SLIT3: variants seen among roughly 807,000 people sequenced by gnomAD.
SLIT3 encodes slit guidance ligand 3.
Under a neutral mutation model 184.0 loss-of-function variants are expected in SLIT3, and 68 were observed. The observed-to-expected ratio is 0.37, with a 90% CI of 0.30 to 0.45. The LOEUF (loss-of-function observed/expected upper bound fraction) is 0.45. Among genes scored for constraint, SLIT3 ranks in the 20% least tolerant of loss-of-function variants. The pLI, the probability that SLIT3 is intolerant of heterozygous loss-of-function variation, is 1.00. For missense variants in SLIT3, 1,707 were observed against 2,026.0 expected (o/e 0.84, Z 3.02); for synonymous variants, 831 against 828.6 (o/e 1.00, Z -0.05).
chr5:168,666,267 T>TAGTCACTTTCCATAATAAA lies in SLIT3; in HGVS notation c.*168_*186dup. On this transcript the variant is annotated 3_prime_UTR_variant, in exon 36 of 36. Coordinates refer to ENST00000519560, the MANE Select transcript of SLIT3 (RefSeq NM_003062.4). ...ATATTTATATAATAAAAGATGAAAA[T>TAGTCACTTTCCATAATAAA]AGTCACTTTCCATAATAAAAATAAG... 8.0e-6 allele frequency: 4 copies of TAGTCACTTTCCATAATAAA among 502,644 alleles called. No individual in the cohort carries two copies. Among genetic ancestry groups the TAGTCACTTTCCATAATAAA allele is most frequent in the Non-Finnish European group, 1.3e-5 (4 of 297,258 alleles). The allele number at this position is 502,644 out of a possible 1,614,324, so 31.1% of individuals were successfully genotyped here.
chr5:168,689,207 C>T (rs1006591317), intron 29 of SLIT3, among the ~76,000 whole-genome samples: 1 of 152,234 alleles, frequency 6.6e-6, no homozygotes, highest in African/African-American at 2.4e-5. Flanking sequence ...GCTGATGCTG[C>T]TGGTTCAAGA....
At chr5:169,270,833 A>G (rs1288978389) in intron 1 of SLIT3, among the ~76,000 whole-genome samples, 2 of 152,280 alleles carry the variant, frequency 1.3e-5, no homozygotes, top group East Asian at 3.9e-4. Context: ...ACTCTGGGGA[A>G]GTTATTTTAA....
chr5:169,040,991 T>C (rs530189608), intron 4 of SLIT3, among the ~76,000 whole-genome samples: 10 of 152,336 alleles, frequency 6.6e-5, no homozygotes, highest in Non-Finnish European at 1.0e-4. Context: ...GTCAATACAA[T>C]ATGAAGAGAG....
At position 168,763,716 on chromosome 5, in the gene SLIT3, C is replaced by T. The variant is rs149223295; in HGVS notation, c.1460-1027G>A. Among the ~76,000 whole-genome samples, 1,296 of 152,286 alleles carry T rather than the reference C, an allele frequency of 8.5e-3. 17 individuals carry two copies. Among genetic ancestry groups the T allele is most frequent in the African/African-American group, 0.029 (1,208 of 41,548 alleles). On this transcript the variant is annotated intron_variant, in intron 14 of 35. Coordinates refer to ENST00000519560, the MANE Select transcript of SLIT3 (RefSeq NM_003062.4). ...AGACCTTGAATCATGCTGGTTGGAA[C>T]TGAAGGAGCTCTGGTTCTCCCATCA...
intron 6 of SLIT3, among the ~76,000 whole-genome samples, chr5:168,826,484 G>T (rs1408612020): frequency 6.6e-6 from 1 of 152,224 alleles, no homozygotes; most frequent in Admixed American, 6.5e-5. Context: ...TTCAATGAAG[G>T]AATTGTTGTT....
rs1388095357 is a variant in SLIT3, at chr5:168,965,137, C to T, written c.414-81801G>A. ...GTTCATCTCAGAACAATTGAGCTCA[C>T]CTGGGTCACTCTCAAAGGGTAGAAA... On this transcript the variant is annotated intron_variant, in intron 4 of 35. Transcript: ENST00000519560. Among the ~76,000 whole-genome samples the T allele has an allele frequency of 2.0e-5, 3 of 152,164 alleles. No homozygotes were observed. In the East Asian group the frequency reaches 5.8e-4, roughly 29 times the overall value.
intron 4 of SLIT3, among the ~76,000 whole-genome samples, chr5:169,178,785 T>G (rs1763060689): frequency 6.6e-6 from 1 of 152,158 alleles, no homozygotes; most frequent in African/African-American, 2.4e-5. Context: ...ATATCCTCAC[T>G]CACAAGACAC....
At chr5:168,934,182 C>T (rs939891867) in intron 4 of SLIT3, among the ~76,000 whole-genome samples, 2 of 152,170 alleles carry the variant, frequency 1.3e-5, no homozygotes, top group South Asian at 2.1e-4. Context: ...GAACGCTCCT[C>T]GTAGATGGCA....
intron 4 of SLIT3, among the ~76,000 whole-genome samples, chr5:168,911,311 C>A (rs916753283): frequency 2.0e-5 from 3 of 152,142 alleles, no homozygotes; most frequent in Non-Finnish European, 1.5e-5. Flanking sequence ...TATTAGCGTT[C>A]ACCCCACCCC....
intron 4 of SLIT3, among the ~76,000 whole-genome samples, chr5:169,171,386 G>A (rs1319284316): frequency 6.6e-6 from 1 of 152,354 alleles, no homozygotes; most frequent in East Asian, 1.9e-4. Flanking sequence ...TTGAGCAAAA[G>A]TGTAGAGCAG....
At chr5:169,149,885 T>C (rs1762056009) in intron 4 of SLIT3, among the ~76,000 whole-genome samples, 1 of 152,224 alleles carries the variant, frequency 6.6e-6, no homozygotes, top group African/African-American at 2.4e-5. Flanking sequence ...TCTACTTTTG[T>C]TGACTTCCCT....
chr5:169,067,271 T>C (rs967215303), intron 4 of SLIT3, among the ~76,000 whole-genome samples: 1 of 152,008 alleles, frequency 6.6e-6, no homozygotes, highest in Non-Finnish European at 1.5e-5. Context: ...TTAGGCATGG[T>C]GGCACACAAC....
chr5:169,115,149 T>C (rs1760610582), intron 4 of SLIT3, among the ~76,000 whole-genome samples: 1 of 152,192 alleles, frequency 6.6e-6, no homozygotes, highest in Non-Finnish European at 1.5e-5. Flanking sequence ...AAGCAAGGAA[T>C]ACAAATCGTT....
At chr5:168,746,266 GGTGTGGTGAT>G (rs1469152061) in intron 20 of SLIT3, among the ~76,000 whole-genome samples, 2 of 790 alleles carry the variant, frequency 2.5e-3, no homozygotes, top group Non-Finnish European at 5.3e-3. Flanking sequence ...GATGTGTGTG[GGTGTGGTGAT>G]GTGTGGTGTG....
intron 7 of SLIT3, among the ~76,000 whole-genome samples, chr5:168,820,970 C>A (rs11134534): frequency 0.17 from 25,987 of 152,036 alleles, 2,658 homozygotes; most frequent in African/African-American, 0.28. Context: ...CAACCCCATA[C>A]ACACTTTAAT....
intron 3 of SLIT3, among the ~76,000 whole-genome samples, chr5:169,215,644 G>A (rs1764410995): frequency 6.6e-6 from 1 of 152,146 alleles, no homozygotes; most frequent in Non-Finnish European, 1.5e-5. Context: ...TTTGGCCCAT[G>A]GCTGCTGCTT....
chr5:168,967,731 C>T (rs1450127865), intron 4 of SLIT3, among the ~76,000 whole-genome samples: 1 of 140,378 alleles, frequency 7.1e-6, no homozygotes. Context: ...TGAGCCACCG[C>T]GCCCGGCCCA....
At chr5:168,865,233 G>A (rs1459296797) in intron 5 of SLIT3, among the ~76,000 whole-genome samples, 1 of 144,314 alleles carries the variant, frequency 6.9e-6, no homozygotes, top group Non-Finnish European at 1.5e-5. Flanking sequence ...TCACTCTTAA[G>A]TATTTACGTG....
At chr5:168,869,006 C>T (rs1759415595) in intron 5 of SLIT3, among the ~76,000 whole-genome samples, 1 of 152,066 alleles carries the variant, frequency 6.6e-6, no homozygotes, top group African/African-American at 2.4e-5. Flanking sequence ...ATGGAGCAGG[C>T]CCCCTGCAGA....
Sources: allele counts gnomAD v4.1 joint callset (sites outside exome capture counted in the v4.1 genomes callset), GRCh38; gene constraint gnomAD v4.1.1; transcripts MANE v1.5; gene names NCBI Gene and HGNC (gene_info 2026-07-23, HGNC 2026-07-21).